CDH12: variants seen among roughly 807,000 people sequenced by gnomAD.
The protein encoded by CDH12 is cadherin-12.
In CDH12, 41 loss-of-function variants were observed where a neutral mutation model predicts 74.1. That is an observed-to-expected ratio of 0.55 (90% confidence interval 0.43 to 0.72). The LOEUF is 0.72. Ranked by LOEUF, CDH12 falls within the 30% of genes least tolerant of loss-of-function variation. The probability of loss-of-function intolerance (pLI) is 0.00; values close to 1 mark genes in which losing one functional copy is unlikely to be tolerated. For synonymous variants in CDH12, 399 were observed against 355.0 expected (o/e 1.12, Z -1.39); for missense variants, 945 against 977.2 (o/e 0.97, Z 0.44).
At chr5:22,759,242 A>C (rs922270799) in intron 1 of CDH12, among the ~76,000 whole-genome samples, 4 of 152,134 alleles carry the variant, frequency 2.6e-5, no homozygotes, top group African/African-American at 9.7e-5. Context: ...CAAAGAGGCC[A>C]CCACACATGT....
chr5:22,657,292 G>A (rs1740096752), intron 1 of CDH12, among the ~76,000 whole-genome samples: 1 of 152,126 alleles, frequency 6.6e-6, no homozygotes, highest in Admixed American at 6.6e-5. Flanking sequence ...TCGCTTCAGA[G>A]ATGTAGTAGC....
At chr5:22,466,903 C>T (rs1745754789) in intron 2 of CDH12, among the ~76,000 whole-genome samples, 1 of 149,240 alleles carries the variant, frequency 6.7e-6, no homozygotes, top group Admixed American at 6.8e-5. Flanking sequence ...ATTCTTCTGC[C>T]TCAGTCTCCC....
intron 1 of CDH12, among the ~76,000 whole-genome samples, chr5:22,508,226 AT>A (rs997401393): frequency 5.3e-5 from 8 of 152,080 alleles, no homozygotes; most frequent in Non-Finnish European, 1.2e-4. Flanking sequence ...TAAGCTCTGA[AT>A]TTTTTATCTT....
At chr5:22,035,713 TACACACAC>T (rs149918147) in intron 5 of CDH12, among the ~76,000 whole-genome samples, 27,205 of 143,248 alleles carry the variant, frequency 0.19, 2,436 homozygotes, top group South Asian at 0.24. Flanking sequence ...ACTTCACACA[TACACACAC>T]ACACACACAC....
intron 1 of CDH12, among the ~76,000 whole-genome samples, chr5:22,524,092 T>A (rs905642628): frequency 6.6e-6 from 1 of 151,300 alleles, no homozygotes; most frequent in African/African-American, 2.4e-5. Context: ...AGGTGATCCA[T>A]CCACCCCAGC....
At chr5:21,794,008 T>C (rs966335721) in intron 10 of CDH12, among the ~76,000 whole-genome samples, 15 of 151,342 alleles carry the variant, frequency 9.9e-5, no homozygotes, top group Admixed American at 3.3e-4. Flanking sequence ...AAATTTTTCT[T>C]GATGTAGAAG....
intron 1 of CDH12, among the ~76,000 whole-genome samples, chr5:22,770,451 C>T (rs557620824): frequency 6.6e-6 from 1 of 152,122 alleles, no homozygotes; most frequent in East Asian, 1.9e-4. Context: ...GTTTTTTGGT[C>T]CATTACAACC....
intron 3 of CDH12, among the ~76,000 whole-genome samples, chr5:22,344,001 C>T (rs978877122): frequency 1.3e-5 from 2 of 152,152 alleles, no homozygotes; most frequent in African/African-American, 4.8e-5. Context: ...GGCAATGCTA[C>T]TTTGGCATAG....
At chr5:22,193,529 T>C (rs1750425119) in intron 4 of CDH12, among the ~76,000 whole-genome samples, 1 of 152,224 alleles carries the variant, frequency 6.6e-6, no homozygotes, top group African/African-American at 2.4e-5. Flanking sequence ...GTGCTGAATG[T>C]CAACCTGTTC....
At chr5:22,237,300 T>C (rs1241829131) in intron 3 of CDH12, among the ~76,000 whole-genome samples, 1 of 152,166 alleles carries the variant, frequency 6.6e-6, no homozygotes, top group Non-Finnish European at 1.5e-5. Context: ...TCTGGCTATC[T>C]GATTTTTCAA....
chr5:22,524,050 C>T (rs547455387), intron 1 of CDH12, among the ~76,000 whole-genome samples: 130 of 150,614 alleles, frequency 8.6e-4, no homozygotes, highest in African/African-American at 2.3e-3. Context: ...GGAGCCATTA[C>T]GGCTCACTGC....
At chr5:22,550,740 C>T (rs1738527514) in intron 1 of CDH12, among the ~76,000 whole-genome samples, 2 of 152,206 alleles carry the variant, frequency 1.3e-5, no homozygotes, top group Admixed American at 6.5e-5. Context: ...CCAGTTATAA[C>T]GTTTTTCTGC....
intron 8 of CDH12, among the ~76,000 whole-genome samples, chr5:21,823,674 T>G (rs1039697437): frequency 6.6e-6 from 1 of 152,120 alleles, no homozygotes; most frequent in African/African-American, 2.4e-5. Flanking sequence ...TATTTTGAAC[T>G]GATCTACTGT....
At chr5:21,986,286 T>A (rs1471361153) in intron 5 of CDH12, among the ~76,000 whole-genome samples, 1 of 152,112 alleles carries the variant, frequency 6.6e-6, no homozygotes, top group Non-Finnish European at 1.5e-5. Flanking sequence ...AGAAAAAAAA[T>A]ATGTTATTCC....
chr5:22,665,008 T>C (rs1740540552), intron 1 of CDH12, among the ~76,000 whole-genome samples: 2 of 152,130 alleles, frequency 1.3e-5, no homozygotes, highest in Admixed American at 1.3e-4. Context: ...CAGTGGCTAT[T>C]CACAGGCATG....
chr5:22,318,522 A>G (rs140399985), intron 3 of CDH12, among the ~76,000 whole-genome samples: 2,120 of 152,314 alleles, frequency 0.014, 30 homozygotes, highest in Middle Eastern at 0.044. Flanking sequence ...TGAAGATTGC[A>G]TGGCCTCAAA....
At chr5:21,785,639 G>C (rs1178818303) in intron 10 of CDH12, among the ~76,000 whole-genome samples, 1 of 152,200 alleles carries the variant, frequency 6.6e-6, no homozygotes, top group African/African-American at 2.4e-5. Context: ...TTAAGCCAAA[G>C]TCTAACCCAG....
At chr5:22,786,203 C>T (rs1747616008) in intron 1 of CDH12, among the ~76,000 whole-genome samples, 1 of 152,206 alleles carries the variant, frequency 6.6e-6, no homozygotes, top group East Asian at 1.9e-4. Flanking sequence ...CCTTAGCAAA[C>T]TAATGCAGGA....
intron 5 of CDH12, among the ~76,000 whole-genome samples, chr5:21,994,788 C>A (rs546291408): frequency 1.9e-4 from 29 of 152,178 alleles, no homozygotes; most frequent in Non-Finnish European, 3.5e-4. Context: ...AATCAGCGTT[C>A]TGTGACTAGC....
Sources: allele counts gnomAD v4.1 joint callset (sites outside exome capture counted in the v4.1 genomes callset), GRCh38; gene constraint gnomAD v4.1.1; transcripts MANE v1.5; gene names NCBI Gene and HGNC (gene_info 2026-07-23, HGNC 2026-07-21).